Variants in PALLD observed in about 807,000 individuals in gnomAD.
The protein encoded by PALLD is palladin.
A neutral mutation model predicts 123.5 loss-of-function variants in PALLD; 61 were observed. The observed-to-expected ratio is 0.49, with a 90% confidence interval of 0.40 to 0.61. The LOEUF is 0.61. Among genes scored for constraint, PALLD ranks in the 20% least tolerant of loss-of-function variants. The probability of loss-of-function intolerance (pLI) is 0.00; values close to 1 mark genes in which losing one functional copy is unlikely to be tolerated. For synonymous variants in PALLD, 465 were observed against 496.4 expected, an observed-to-expected ratio of 0.94 and a Z score of 0.84; for missense variants, 1,273 against 1,377.0, an observed-to-expected ratio of 0.92 and a Z score of 1.20.
intron 2 of PALLD, among the ~76,000 whole-genome samples, chr4:168,615,638 C>A (rs960455144): frequency 1.3e-5 from 2 of 152,148 alleles, no homozygotes; most frequent in East Asian, 3.9e-4. Flanking sequence ...ACCAAGGGAT[C>A]CTCAGCACCC....
chr4:168,512,837 G>A (rs1185550615), intron 2 of PALLD, among the ~76,000 whole-genome samples: 2 of 152,140 alleles, frequency 1.3e-5, no homozygotes, highest in Non-Finnish European at 2.9e-5. Context: ...GCACGAGTGT[G>A]TAGAGGCCAA....
intron 10 of PALLD, among the ~76,000 whole-genome samples, chr4:168,760,873 G>T (rs1158831010): frequency 6.6e-6 from 1 of 152,154 alleles, no homozygotes; most frequent in African/African-American, 2.4e-5. Context: ...TGGAACAATG[G>T]TTTTTTTGTT....
At chr4:168,680,752 T>C (rs1781476982) in intron 3 of PALLD, among the ~76,000 whole-genome samples, 1 of 152,174 alleles carries the variant, frequency 6.6e-6, no homozygotes, top group African/African-American at 2.4e-5. Flanking sequence ...TCTCTTGACA[T>C]GAAATATGTA....
intron 2 of PALLD, among the ~76,000 whole-genome samples, chr4:168,524,270 T>A (rs182675591): frequency 6.6e-6 from 1 of 152,340 alleles, no homozygotes; most frequent in East Asian, 1.9e-4. Context: ...TCTTTATTAG[T>A]GGTTCATAAA....
intron 10 of PALLD, among the ~76,000 whole-genome samples, chr4:168,767,394 T>C (rs1357917462): frequency 6.6e-6 from 1 of 152,178 alleles, no homozygotes; most frequent in Non-Finnish European, 1.5e-5. Flanking sequence ...TGCATAGTAA[T>C]GTAGAAAGCT....
At chr4:168,738,156 C>T (rs1173714799) in intron 10 of PALLD, among the ~76,000 whole-genome samples, 1 of 152,180 alleles carries the variant, frequency 6.6e-6, no homozygotes, top group African/African-American at 2.4e-5. Flanking sequence ...AACTTAAAAC[C>T]TGTTATTAGT....
intron 11 of PALLD, among the ~76,000 whole-genome samples, chr4:168,893,820 G>T (rs897189795): frequency 1.3e-5 from 2 of 152,222 alleles, no homozygotes; most frequent in Non-Finnish European, 2.9e-5. Context: ...GCTGCGAGAT[G>T]CAAGAACACT....
At chr4:168,820,183 T>C (rs556968400) in intron 10 of PALLD, among the ~76,000 whole-genome samples, 20 of 152,386 alleles carry the variant, frequency 1.3e-4, no homozygotes, top group African/African-American at 4.1e-4. Context: ...GCAGAAGTCA[T>C]GTTTCTCAGT....
chr4:168,926,478 C>A lies in PALLD; in HGVS notation c.*298C>A. ...CATTATGTAAAAGGCAGAAACATACCTTTGACTATAAGAAATTAAAAAAAA... is the reference window on the plus strand; with the variant it reads ...CATTATGTAAAAGGCAGAAACATACATTTGACTATAAGAAATTAAAAAAAA... On this transcript the variant is annotated 3_prime_UTR_variant, in exon 22 of 22. Coordinates refer to ENST00000505667, the MANE Select transcript of PALLD (RefSeq NM_001166108.2). 3 of 823,706 alleles carry A rather than the reference C, an allele frequency of 3.6e-6. No homozygotes were observed. The highest frequency in any genetic ancestry group is 2.0e-5 in the South Asian group (1 of 49,654). The allele number at this position is 823,706 out of a possible 1,614,324, so 51.0% of individuals were successfully genotyped here. A position where few individuals can be genotyped will look rare whatever the true frequency, so the allele number is the denominator to read the frequency against.
intron 10 of PALLD, among the ~76,000 whole-genome samples, chr4:168,803,377 G>A (rs553724118): frequency 1.1e-4 from 17 of 152,194 alleles, no homozygotes; most frequent in Admixed American, 2.0e-4. Flanking sequence ...AGGAGGATAC[G>A]TACTTGCATA....
At chr4:168,637,943 C>CAAAAAAAAA in intron 2 of PALLD, among the ~76,000 whole-genome samples, 1 of 60,442 alleles carries the variant, frequency 1.7e-5, no homozygotes, top group Non-Finnish European at 2.9e-5. Context: ...GAATACATCT[C>CAAAAAAAAA]AAAAAAAAAA....
At chr4:168,653,416 A>T (rs150321510) in intron 2 of PALLD, among the ~76,000 whole-genome samples, 366 of 152,282 alleles carry the variant, frequency 2.4e-3, no homozygotes, top group African/African-American at 8.4e-3. Context: ...ATTAATTTTT[A>T]ATTTTCCCAA....
intron 10 of PALLD, 140 bp from the exon 11 acceptor site, chr4:168,890,782 C>A: frequency 1.1e-6 from 1 of 873,888 alleles, no homozygotes; most frequent in African/African-American, 1.6e-5. Flanking sequence ...TTCTTTCCAT[C>A]ATAGTTGCAA....
At chr4:168,819,398 A>G (rs1442617183) in intron 10 of PALLD, among the ~76,000 whole-genome samples, 1 of 151,006 alleles carries the variant, frequency 6.6e-6, no homozygotes, top group Non-Finnish European at 1.5e-5. Flanking sequence ...ATGTGAGGTA[A>G]CCAGAGACTG....
At position 168,711,679 on chromosome 4, in the gene PALLD, T is replaced by C. The variant is rs748252319; in HGVS notation, c.1720T>C (p.Leu574=). 2 of 1,614,144 alleles carry C rather than the reference T, an allele frequency of 1.2e-6. No individual in the cohort carries two copies. Among genetic ancestry groups the C allele is most frequent in the South Asian group, 1.1e-5 (1 of 91,080 alleles). Residue 574 remains leucine (L), a synonymous_variant, in exon 10 of 22, where the codon TTG becomes CTG. Transcript: ENST00000505667. ...PPPPILETSS[L]ELASKKPSEI... is the part of the protein sequence containing the mutation. ...CCCTCCAATCTTGGAGACAAGTTCC[T>C]TGGAGTTGGCTTCAAAGAAACCATC...
At chr4:168,548,765 T>A (rs1766428741) in intron 2 of PALLD, among the ~76,000 whole-genome samples, 1 of 152,252 alleles carries the variant, frequency 6.6e-6, no homozygotes. Context: ...ATGTTTCCTT[T>A]GAAAGGTTGC....
In PALLD at chr4:168,711,717, G is replaced by C. The variant is rs774580949; in HGVS notation, c.1758G>C (p.Gln586His). The C allele has an allele frequency of 8.7e-6, 14 of 1,614,156 alleles. No individual in the cohort carries two copies. The highest frequency in any genetic ancestry group is 1.2e-5 in the Non-Finnish European group (14 of 1,180,028). The change falls in exon 10 of 22, where the codon CAG (glutamine) becomes CAC (histidine). Residue 586 changes from glutamine (Q) to histidine (H), a missense_variant. Gln to His is a conservative substitution (Grantham distance 24, BLOSUM62 0). Around this residue, in one of 2 missense-constraint regions of PALLD, gnomAD observed 944 missense variants for 954.5 expected, o/e 0.99. Coordinates refer to ENST00000505667, the MANE Select transcript of PALLD (RefSeq NM_001166108.2). ...CAAAGAAACCATCTGAGATCCAGCA[G>C]GTGAACAACCCTGAGTTAGGCCTGA... ...LASKKPSEIQQVNNPELGLSR... is the reference protein window; with the variant it reads ...LASKKPSEIQHVNNPELGLSR...
At chr4:168,520,108 C>T (rs1477430335) in intron 2 of PALLD, among the ~76,000 whole-genome samples, 1 of 151,706 alleles carries the variant, frequency 6.6e-6, no homozygotes, top group East Asian at 1.9e-4. Flanking sequence ...GGGCGGATCA[C>T]GAGGACAGGA....
intron 10 of PALLD, among the ~76,000 whole-genome samples, chr4:168,738,528 T>A (rs1787987031): frequency 6.6e-6 from 1 of 151,178 alleles, no homozygotes; most frequent in African/African-American, 2.4e-5. Flanking sequence ...TCTCCCAGGT[T>A]CAAGCAATTC....
Sources: allele counts gnomAD v4.1 joint callset (sites outside exome capture counted in the v4.1 genomes callset), GRCh38; gene constraint gnomAD v4.1.1; regional missense constraint gnomAD v4.1.1; transcripts MANE v1.5; gene names NCBI Gene and HGNC (gene_info 2026-07-23, HGNC 2026-07-21).